The following CNTNAP4 variants were observed in gnomAD, a reference collection of about 807,000 sequenced individuals.
CNTNAP4 encodes the protein contactin-associated protein-like 4.
In CNTNAP4, 98 loss-of-function variants were observed where a neutral mutation model predicts 148.4. That is an observed-to-expected ratio of 0.66 (90% CI 0.56 to 0.78). CNTNAP4 has a LOEUF of 0.78. Among genes scored for constraint, CNTNAP4 ranks in the 30% least tolerant of loss-of-function variants. The pLI is 0.00. For synonymous variants in CNTNAP4, 730 were observed against 565.1 expected, an observed-to-expected ratio of 1.29 and a Z score of -4.14; for missense variants, 1,935 against 1,565.6, an observed-to-expected ratio of 1.24 and a Z score of -3.98.
intron 15 of CNTNAP4, among the ~76,000 whole-genome samples, chr16:76,513,932 A>G (rs1200748623): frequency 1.3e-5 from 2 of 152,164 alleles, no homozygotes; most frequent in Non-Finnish European, 2.9e-5. Context: ...GAATCACTCT[A>G]TCTCATGTTT....
At chr16:76,469,381 G>A (rs926485946) in intron 10 of CNTNAP4, 1 of 152,166 alleles carries the variant, frequency 6.6e-6, no homozygotes, top group Non-Finnish European at 1.5e-5. Context: ...CCTGATTTAG[G>A]AGAGGGCACG....
rs1421789689 is a variant in CNTNAP4 at position 76,316,403 on chromosome 16, C to A, written c.86-10C>A. The stretch of plus-strand genomic sequence containing the variant: ...AACTAACCCTAACGTGGCATTGTTC[C>A]TCCTGGCAGATGACTGTGATGATCC... On this transcript the variant is annotated splice_polypyrimidine_tract_variant and intron_variant, in intron 1 of 23. Coordinates refer to ENST00000611870, the MANE Select transcript of CNTNAP4 (RefSeq NM_033401.5). The A allele has an allele frequency of 6.2e-7, 1 of 1,603,062 alleles. No individual in the cohort carries two copies. The highest frequency in any genetic ancestry group is 1.3e-5 in the African/African-American group (1 of 74,802).
rs1450569247 is a variant in CNTNAP4, at chr16:76,538,256, T to G, written c.3136T>G (p.Phe1046Val). The change falls in exon 19 of 24, where the codon TTC becomes GTC. Residue 1046 changes from phenylalanine (F) to valine (V), a missense_variant. Phe to Val is a conservative substitution (Grantham distance 50). Coordinates refer to ENST00000611870, the MANE Select transcript of CNTNAP4 (RefSeq NM_033401.5). ...KLSREMIKFS[F>V]RTTRTPSLLL... ...GAGCAGAGAAATGATCAAATTTAGT[T>G]TCCGAACAACACGAACACCAAGCTT... The G allele has an allele frequency of 6.2e-7, 1 of 1,611,050 alleles. No homozygotes were observed. Among genetic ancestry groups the G allele is most frequent in the Non-Finnish European group, 8.5e-7 (1 of 1,178,900 alleles).
At chr16:76,550,806 T>G (rs1383795103) in intron 21 of CNTNAP4, among the ~76,000 whole-genome samples, 1 of 152,166 alleles carries the variant, frequency 6.6e-6, no homozygotes, top group Non-Finnish European at 1.5e-5. Flanking sequence ...ATTGATGAAC[T>G]GCCTCCTATA....
rs1050768682 is a variant in CNTNAP4, at chr16:76,331,954, TA to T, written c.196+15437del. Reference sequence around the variant, plus strand: ...TATTCGGGAATGTCACTTCTTCATTTAAAAAAGGTAGTTTTACTAGATTTAG... The same window carrying T: ...TATTCGGGAATGTCACTTCTTCATTTAAAAAGGTAGTTTTACTAGATTTAG... On this transcript the variant is annotated intron_variant, in intron 2 of 23. Transcript: ENST00000611870. Among the ~76,000 whole-genome samples the T allele has an allele frequency of 1.1e-3, 163 of 152,318 alleles. 2 individuals carry two copies. Among genetic ancestry groups the T allele is most frequent in the Admixed American group, 5.2e-4 (8 of 15,304 alleles).
At chr16:76,297,743 G>T (rs1959465470) in intron 1 of CNTNAP4, among the ~76,000 whole-genome samples, 1 of 152,132 alleles carries the variant, frequency 6.6e-6, no homozygotes, top group Admixed American at 6.6e-5. Context: ...CCTTCAGCAT[G>T]CTGTTTCAGA....
Position 76,555,721 on chromosome 16 carries a change from A to T in CNTNAP4, c.3733+1814A>T, listed in dbSNP as rs565939446. Among the ~76,000 whole-genome samples the T allele has an allele frequency of 6.2e-4, 95 of 152,352 alleles. 1 individual carries two copies. Among genetic ancestry groups the T allele is most frequent in the African/African-American group, 2.2e-3 (90 of 41,578 alleles). On this transcript the variant is annotated intron_variant, in intron 23 of 23. Transcript: ENST00000611870. ...GAAGTGCATTGATAAGTCATCCTAA[A>T]GTTATTCTAGAATAGAAACAAGTTA...
chr16:76,430,828 A>C (rs1340591433), intron 4 of CNTNAP4, among the ~76,000 whole-genome samples: 1 of 152,192 alleles, frequency 6.6e-6, no homozygotes, highest in East Asian at 1.9e-4. Flanking sequence ...GCAGAACTAC[A>C]CAACCCGTGT....
At chr16:76,348,944 A>C (rs1965146285) in intron 2 of CNTNAP4, among the ~76,000 whole-genome samples, 1 of 152,084 alleles carries the variant, frequency 6.6e-6, no homozygotes, top group Non-Finnish European at 1.5e-5. Flanking sequence ...CAGTGTACTG[A>C]TGGGAATTAT....
At chr16:76,283,975 T>C (rs145521705) in intron 1 of CNTNAP4, among the ~76,000 whole-genome samples, 18 of 152,160 alleles carry the variant, frequency 1.2e-4, no homozygotes, top group African/African-American at 4.3e-4. Context: ...AGATTGTTAG[T>C]TGAATATATC....
chr16:76,461,827 T>G, intron 8 of CNTNAP4, 129 bp from the exon 9 acceptor site: 1 of 697,742 alleles, frequency 1.4e-6, no homozygotes, highest in Non-Finnish European at 2.3e-6. Context: ...CTTGTTGATG[T>G]CATTGTTTTT....
chr16:76,444,128 C>T (rs1380730809), intron 4 of CNTNAP4, among the ~76,000 whole-genome samples: 1 of 152,048 alleles, frequency 6.6e-6, no homozygotes, highest in African/African-American at 2.4e-5. Context: ...TCCAGGAAAG[C>T]ATGTTAGAAT....
chr16:76,309,192 T>G (rs867550501), intron 1 of CNTNAP4, among the ~76,000 whole-genome samples: 1 of 151,998 alleles, frequency 6.6e-6, no homozygotes, highest in Non-Finnish European at 1.5e-5. Flanking sequence ...GTGGCTCTTT[T>G]TTGGTGTTGA....
chr16:76,327,650 A>G (rs1963125632), intron 2 of CNTNAP4, among the ~76,000 whole-genome samples: 1 of 152,128 alleles, frequency 6.6e-6, no homozygotes, highest in Non-Finnish European at 1.5e-5. Flanking sequence ...TTCTTGCCCT[A>G]TGGCTCCTCT....
intron 15 of CNTNAP4, among the ~76,000 whole-genome samples, chr16:76,502,339 C>G (rs1304131749): frequency 6.7e-6 from 1 of 149,770 alleles, no homozygotes; most frequent in Non-Finnish European, 1.5e-5. Flanking sequence ...TATGGGAAAT[C>G]TGTACCACTT....
intron 3 of CNTNAP4, among the ~76,000 whole-genome samples, chr16:76,424,865 T>C (rs565407924): frequency 1.0e-3 from 157 of 152,260 alleles, no homozygotes; most frequent in Non-Finnish European, 1.7e-3. Flanking sequence ...AGAGTTTTAA[T>C]GTGCAGTCTA....
chr16:76,332,695 G>C (rs980181890), intron 2 of CNTNAP4, among the ~76,000 whole-genome samples: 1 of 151,684 alleles, frequency 6.6e-6, no homozygotes, highest in Non-Finnish European at 1.5e-5. Context: ...TTTTCCATAG[G>C]TCTCTTAGAT....
chr16:76,420,284 T>TTCTGTAGAATGTATATTAGAA (rs1555550121), intron 3 of CNTNAP4, among the ~76,000 whole-genome samples: 1 of 70,462 alleles, frequency 1.4e-5, no homozygotes, highest in Non-Finnish European at 4.0e-5. Flanking sequence ...GAGATAAATA[T>TTCTGTAGAATGTATATTAGAA]TAATTTCCCT....
At chr16:76,543,354 A>T (rs1160057674) in intron 21 of CNTNAP4, among the ~76,000 whole-genome samples, 1 of 152,260 alleles carries the variant, frequency 6.6e-6, no homozygotes, top group Non-Finnish European at 1.5e-5. Context: ...GTATATTTAT[A>T]GTGAAATAGA....
Sources: allele counts gnomAD v4.1 joint callset (sites outside exome capture counted in the v4.1 genomes callset), GRCh38; gene constraint gnomAD v4.1.1; transcripts MANE v1.5; gene names NCBI Gene and HGNC (gene_info 2026-07-23, HGNC 2026-07-21).